The following MEGF10 variants were observed in gnomAD, a reference collection of about 807,000 sequenced individuals.
MEGF10 encodes the protein multiple epidermal growth factor-like domains protein 10.
A neutral mutation model predicts 147.5 loss-of-function variants in MEGF10; 86 were observed. That is an observed-to-expected ratio of 0.58 (90% confidence interval 0.49 to 0.70). The LOEUF (loss-of-function observed/expected upper bound fraction) is 0.70. Ranked by LOEUF, MEGF10 falls within the 30% of genes least tolerant of loss-of-function variation. The pLI, the probability that MEGF10 is intolerant of heterozygous loss-of-function variation, is 0.00. For synonymous variants in MEGF10, 478 were observed against 525.5 expected (o/e 0.91, Z 1.24); for missense variants, 1,329 against 1,487.3 (o/e 0.89, Z 1.75).
the MEGF10 span, among the ~76,000 whole-genome samples, chr5:127,258,545 G>A: frequency 1.6e-4 from 25 of 152,266 alleles, no homozygotes; most frequent in East Asian, 4.8e-3. Context: ...AAAATTTATA[G>A]ACATTTCTCT....
At chr5:127,357,203 G>T (rs1561591039) in intron 4 of MEGF10, among the ~76,000 whole-genome samples, 1 of 152,148 alleles carries the variant, frequency 6.6e-6, no homozygotes, top group African/African-American at 2.4e-5. Context: ...TGGCATGGAG[G>T]AGATGCGTAT....
chr5:127,232,023 T>C, the MEGF10 span, among the ~76,000 whole-genome samples: 1 of 151,944 alleles, frequency 6.6e-6, no homozygotes, highest in Non-Finnish European at 1.5e-5. Context: ...AAAGCAGGAG[T>C]GGCAGCAGAA....
chr5:127,438,615 G>C, intron 17 of MEGF10, 48 bp downstream of exon 17: 5 of 1,604,848 alleles, frequency 3.1e-6, no homozygotes, highest in Non-Finnish European at 4.3e-6. Flanking sequence ...CTTGTCCAAG[G>C]AGGAAACAGC....
Position 127,419,129 on chromosome 5 carries a change from T to C in MEGF10, c.1315T>C (p.Cys439Arg), listed in dbSNP as rs768980096. The C allele has an allele frequency of 1.2e-6, 2 of 1,606,146 alleles. No individual in the cohort carries two copies. Among genetic ancestry groups the C allele is most frequent in the Non-Finnish European group, 1.7e-6 (2 of 1,178,024 alleles). ...TCAPGFKGID[C>R]STPCPLGTYG... ...ACTTGTGCCTGTCTAGGGAATTGAC[T>C]GCTCTACCCCATGCCCTCTGGGAAC... Residue 439 changes from cysteine to arginine, a missense_variant, in exon 11 of 25, where the codon TGC (cysteine) becomes CGC (arginine). Around this residue, in one of 3 missense-constraint regions of MEGF10, gnomAD observed 980 missense variants for 1,085.9 expected, o/e 0.90. Transcript: ENST00000503335.
intron 13 of MEGF10, among the ~76,000 whole-genome samples, chr5:127,430,350 A>G (rs1389052422): frequency 1.3e-5 from 2 of 152,208 alleles, no homozygotes; most frequent in Non-Finnish European, 2.9e-5. Context: ...TATAAATAAT[A>G]CACATGTACC....
chr5:127,290,363 G>C (rs1759189607), upstream of MEGF10, among the ~76,000 whole-genome samples: 1 of 152,012 alleles, frequency 6.6e-6, no homozygotes, highest in Non-Finnish European at 1.5e-5. Flanking sequence ...CTGAGGACCC[G>C]CCGTCCACTC....
At position 127,366,550 on chromosome 5, in the gene MEGF10, G is replaced by A. The variant is rs150624011; in HGVS notation, c.320-3360G>A. Among the ~76,000 whole-genome samples, 119 of 152,288 alleles carry A rather than the reference G, an allele frequency of 7.8e-4. 3 individuals are homozygous for A. The East Asian group carries it at 0.018, about 23-fold the overall frequency. ...TAATTAAGAAAAAAGAAATCATTAG[G>A]GAAGCAGATTCCCCCTTCCAATTCC... On this transcript the variant is annotated intron_variant, in intron 4 of 24. Transcript: ENST00000503335.
intron 1 of MEGF10, among the ~76,000 whole-genome samples, chr5:127,309,998 C>CTTTCTTTCTTTCTTTCT (rs1561562066): frequency 9.8e-4 from 13 of 13,264 alleles, no homozygotes; most frequent in Admixed American, 4.7e-3. Context: ...TCTTTCTTTC[C>CTTTCTTTCTTTCTTTCT]TTCCTTCCTT....
the MEGF10 span, among the ~76,000 whole-genome samples, chr5:127,255,178 G>C: frequency 2.0e-5 from 3 of 152,186 alleles, no homozygotes; most frequent in South Asian, 4.1e-4. Context: ...GGTGGAGTCA[G>C]TTGGTTGCCA....
chr5:127,405,754 T>C (rs1221021455), intron 8 of MEGF10, among the ~76,000 whole-genome samples: 1 of 152,146 alleles, frequency 6.6e-6, no homozygotes, highest in Non-Finnish European at 1.5e-5. Context: ...ATTATTTTCT[T>C]CATTCTTAAG....
intron 1 of MEGF10, among the ~76,000 whole-genome samples, chr5:127,310,387 C>G (rs1175285402): frequency 2.6e-5 from 4 of 151,884 alleles, no homozygotes; most frequent in Non-Finnish European, 5.9e-5. Context: ...TGATAGTGTC[C>G]TTTGTTGCAA....
intron 1 of MEGF10, among the ~76,000 whole-genome samples, chr5:127,294,835 T>TAAAAAA (rs376539022): frequency 2.1e-5 from 3 of 143,142 alleles, no homozygotes; most frequent in South Asian, 2.2e-4. Context: ...ATAATAATAA[T>TAAAAAA]AAATAACTTG....
chr5:127,386,828 G>T (rs1763452788), intron 5 of MEGF10, among the ~76,000 whole-genome samples: 1 of 152,194 alleles, frequency 6.6e-6, no homozygotes, highest in Non-Finnish European at 1.5e-5. Flanking sequence ...TGCTGGGCTG[G>T]GACATCCCAA....
chr5:127,273,280 G>T, the MEGF10 span, among the ~76,000 whole-genome samples: 1 of 152,206 alleles, frequency 6.6e-6, no homozygotes, highest in Admixed American at 6.5e-5. Context: ...TGCTTCCCTT[G>T]GCCAGGGGTG....
intron 1 of MEGF10, among the ~76,000 whole-genome samples, chr5:127,306,527 C>T (rs1023040310): frequency 3.3e-5 from 5 of 152,232 alleles, no homozygotes; most frequent in Admixed American, 1.3e-4. Context: ...CCATGCCCGT[C>T]TTCCATGGTG....
chr5:127,390,552 G>C (rs577474621), intron 5 of MEGF10, among the ~76,000 whole-genome samples: 1 of 152,254 alleles, frequency 6.6e-6, no homozygotes, highest in African/African-American at 2.4e-5. Context: ...CAGCTTCACA[G>C]AGTGCTGGGA....
intron 1 of MEGF10, among the ~76,000 whole-genome samples, chr5:127,293,439 G>A (rs1238924793): frequency 6.6e-6 from 1 of 152,094 alleles, no homozygotes; most frequent in Non-Finnish European, 1.5e-5. Context: ...GACCATTTTT[G>A]ACCTAAATAA....
At chr5:127,376,588 A>T (rs1763037306) in intron 5 of MEGF10, among the ~76,000 whole-genome samples, 1 of 152,186 alleles carries the variant, frequency 6.6e-6, no homozygotes, top group Non-Finnish European at 1.5e-5. Flanking sequence ...CCTTCTCTTG[A>T]TAAACTGTCA....
chr5:127,238,378 TA>T, the MEGF10 span, among the ~76,000 whole-genome samples: 23 of 151,860 alleles, frequency 1.5e-4, no homozygotes, highest in Non-Finnish European at 3.2e-4. Context: ...TTTTATATAT[TA>T]AAAAAAACCA....
Sources: gnomAD v4.1 joint callset for allele counts (sites outside exome capture counted in the v4.1 genomes callset) on GRCh38, gnomAD v4.1.1 for gene constraint, gnomAD v4.1.1 regional missense constraint, MANE v1.5 for transcripts, NCBI Gene and HGNC (gene_info 2026-07-23, HGNC 2026-07-21) for gene names.